Variants in GPR39 observed in about 807,000 individuals in gnomAD.
GPR39 encodes zinc sensing receptor.
A neutral mutation model predicts 18.4 loss-of-function variants in GPR39; 23 were observed. The ratio of observed to expected loss-of-function variants is 1.25; its 90% CI spans 0.90 to 1.77. GPR39 has a LOEUF of 1.77. GPR39 is among the 40% of genes most tolerant of loss of function. The pLI, the probability that GPR39 is intolerant of heterozygous loss-of-function variation, is 0.00. For synonymous variants in GPR39, 280 were observed against 257.9 expected (o/e 1.09, Z -0.82); for missense variants, 647 against 602.4 (o/e 1.07, Z -0.78).
intron 1 of GPR39, among the ~76,000 whole-genome samples, chr2:132,518,396 TA>T (rs1244250318): frequency 6.6e-6 from 1 of 152,180 alleles, no homozygotes; most frequent in Non-Finnish European, 1.5e-5. Context: ...CAGCTCACTA[TA>T]AAAAAATTGT....
At chr2:132,644,270 A>C (rs1393589218) in intron 1 of GPR39, among the ~76,000 whole-genome samples, 2 of 152,248 alleles carry the variant, frequency 1.3e-5, no homozygotes, top group African/African-American at 2.4e-5. Context: ...TAAACATTTG[A>C]TCTACAGAAG....
chr2:132,569,268 C>A (rs1680402038), intron 1 of GPR39, among the ~76,000 whole-genome samples: 1 of 152,094 alleles, frequency 6.6e-6, no homozygotes, highest in African/African-American at 2.4e-5. Flanking sequence ...AAAGACTGAA[C>A]AAGTTTTTCC....
chr2:132,460,540 G>T (rs964781079), intron 1 of GPR39, among the ~76,000 whole-genome samples: 1 of 152,106 alleles, frequency 6.6e-6, no homozygotes, highest in African/African-American at 2.4e-5. Context: ...AGATAAAATA[G>T]TAATTCAAAC....
chr2:132,532,476 T>C (rs1202924530), intron 1 of GPR39, among the ~76,000 whole-genome samples: 1 of 152,010 alleles, frequency 6.6e-6, no homozygotes, highest in Non-Finnish European at 1.5e-5. Flanking sequence ...AAAGAGGGAA[T>C]CCTCCCTAAC....
chr2:132,582,711 T>G (rs1680646809), intron 1 of GPR39, among the ~76,000 whole-genome samples: 1 of 152,112 alleles, frequency 6.6e-6, no homozygotes, highest in Admixed American at 6.5e-5. Context: ...CTGCAGACAG[T>G]GCCTGCCTGC....
chr2:132,568,945 C>T (rs1018954120), intron 1 of GPR39, among the ~76,000 whole-genome samples: 1 of 152,038 alleles, frequency 6.6e-6, no homozygotes, highest in Non-Finnish European at 1.5e-5. Flanking sequence ...GGGCAGTGAA[C>T]GAAGACAGAA....
In GPR39 at chr2:132,516,600, G is replaced by C. The variant is rs192992574; in HGVS notation, c.856+98702G>C. Among the ~76,000 whole-genome samples, 568 of 152,306 alleles carry C rather than the reference G, an allele frequency of 3.7e-3. 1 individual carries two copies. Among genetic ancestry groups the C allele is most frequent in the Non-Finnish European group, 5.4e-3 (367 of 68,022 alleles). ...GTTCAGAAGTTCTCTGCATTTTTCA[G>C]CCGGCCACACTCTGATAACCTTCAG... On this transcript the variant is annotated intron_variant, in intron 1 of 1. Transcript: ENST00000329321.
intron 1 of GPR39, among the ~76,000 whole-genome samples, chr2:132,492,343 T>A (rs1013972580): frequency 6.9e-6 from 1 of 144,108 alleles, no homozygotes; most frequent in Non-Finnish European, 1.5e-5. Flanking sequence ...ATATACCATA[T>A]ATATACATAC....
chr2:132,629,808 G>A (rs1681616488), intron 1 of GPR39, among the ~76,000 whole-genome samples: 1 of 152,174 alleles, frequency 6.6e-6, no homozygotes, highest in African/African-American at 2.4e-5. Flanking sequence ...AGGAGGGTGT[G>A]GGATTGTATC....
At chr2:132,624,435 C>G (rs974015959) in intron 1 of GPR39, among the ~76,000 whole-genome samples, 1 of 152,174 alleles carries the variant, frequency 6.6e-6, no homozygotes, top group Non-Finnish European at 1.5e-5. Flanking sequence ...ATTATCAATG[C>G]TGGAATAATT....
intron 1 of GPR39, among the ~76,000 whole-genome samples, chr2:132,431,329 G>A (rs1680221125): frequency 6.6e-6 from 1 of 152,226 alleles, no homozygotes; most frequent in South Asian, 2.1e-4. Context: ...TCAGATGTAA[G>A]ATCCTACCTT....
At chr2:132,564,838 A>G (rs372769851) in intron 1 of GPR39, among the ~76,000 whole-genome samples, 1 of 41,756 alleles carries the variant, frequency 2.4e-5, no homozygotes, top group Admixed American at 3.4e-4. Context: ...TTTTGTTGAG[A>G]CAGAGTCTCG....
intron 1 of GPR39, among the ~76,000 whole-genome samples, chr2:132,449,007 T>A (rs1211522021): frequency 6.6e-6 from 1 of 152,204 alleles, no homozygotes; most frequent in African/African-American, 2.4e-5. Context: ...TGCAGGCTGT[T>A]TGCAAACTGC....
intron 1 of GPR39, among the ~76,000 whole-genome samples, chr2:132,644,290 G>A (rs1381791195): frequency 1.3e-5 from 2 of 152,238 alleles, no homozygotes; most frequent in East Asian, 3.8e-4. Flanking sequence ...GGGCCTTTGA[G>A]TGGTCTCTTC....
At chr2:132,535,936 T>A (rs1327960638) in intron 1 of GPR39, among the ~76,000 whole-genome samples, 1 of 151,210 alleles carries the variant, frequency 6.6e-6, no homozygotes, top group Admixed American at 6.6e-5. Context: ...TTTTTTATTG[T>A]GGTCTATTTG....
At chr2:132,547,161 C>G (rs1573659368) in intron 1 of GPR39, among the ~76,000 whole-genome samples, 1 of 152,142 alleles carries the variant, frequency 6.6e-6, no homozygotes, top group Non-Finnish European at 1.5e-5. Context: ...GAATGGTCTC[C>G]TAACAGAGTC....
chr2:132,469,853 C>T (rs201090504), intron 1 of GPR39, among the ~76,000 whole-genome samples: 1 of 152,168 alleles, frequency 6.6e-6, no homozygotes, highest in East Asian at 1.9e-4. Context: ...TCATCTCCCT[C>T]CCCAGAGGAG....
chr2:132,488,146 C>A (rs891394402), intron 1 of GPR39, among the ~76,000 whole-genome samples: 1 of 152,130 alleles, frequency 6.6e-6, no homozygotes, highest in African/African-American at 2.4e-5. Context: ...GACTTACTTT[C>A]TTTCTGACAA....
rs184757617 is a variant in GPR39 at position 132,498,361 on chromosome 2, A to G, written c.856+80463A>G. Among the ~76,000 whole-genome samples the G allele has an allele frequency of 1.1e-4, 17 of 152,314 alleles. No individual in the cohort carries two copies. In the East Asian group the frequency reaches 3.3e-3, roughly 29 times the overall value. ...TGGTTTTCCATTCCTGAGCCGCTTC[A>G]CTGGATGGAGTCTCCAGTTCCATTC... On this transcript the variant is annotated intron_variant, in intron 1 of 1. Coordinates refer to ENST00000329321, the MANE Select transcript of GPR39 (RefSeq NM_001508.3).
Sources: gnomAD v4.1 joint callset for allele counts (sites outside exome capture counted in the v4.1 genomes callset) on GRCh38, gnomAD v4.1.1 for gene constraint, MANE v1.5 for transcripts, NCBI Gene and HGNC (gene_info 2026-07-23, HGNC 2026-07-21) for gene names.